COL11A1: variants seen among roughly 807,000 people sequenced by gnomAD.
COL11A1 encodes collagen type XI alpha 1 chain, also known as collagen alpha-1(XI) chain.
COL11A1 carries 74 observed loss-of-function variants against 265.2 expected under a neutral mutation model. The ratio of observed to expected loss-of-function variants is 0.28; its 90% CI spans 0.23 to 0.34. The LOEUF is 0.34. Among genes scored for constraint, COL11A1 ranks in the 10% least tolerant of loss-of-function variants. COL11A1 has a pLI of 1.00. For missense variants in COL11A1, 2,165 were observed against 2,263.6 expected, an observed-to-expected ratio of 0.96 and a Z score of 0.88; for synonymous variants, 816 against 727.6, an observed-to-expected ratio of 1.12 and a Z score of -1.96.
In COL11A1 at chr1:102,984,108, T is replaced by C. The variant is rs929972450; in HGVS notation, c.2556+30A>G. The C allele has an allele frequency of 2.7e-6, 4 of 1,481,790 alleles. No individual in the cohort carries two copies. The African/African-American group carries it at 5.5e-5, about 21-fold the overall frequency. 91.8% of individuals were successfully genotyped at this position (1,481,790 alleles called of 1,614,324 possible). On this transcript the variant is annotated intron_variant, in intron 31 of 66. Coordinates refer to ENST00000370096, the MANE Select transcript of COL11A1 (RefSeq NM_001854.4). ...GATTAATATTATCTTCACGAAATGT[T>C]AATAAACTATAAATATCAAGCTGTT...
chr1:103,033,334 T>G (rs1275591854), intron 4 of COL11A1, among the ~76,000 whole-genome samples: 1 of 152,110 alleles, frequency 6.6e-6, no homozygotes, highest in African/African-American at 2.4e-5. Flanking sequence ...CTGCCTTTTT[T>G]GAGTTGAATA....
intron 36 of COL11A1, among the ~76,000 whole-genome samples, chr1:102,972,685 C>T (rs2622855): frequency 0.062 from 9,456 of 152,080 alleles, 604 homozygotes; most frequent in African/African-American, 0.16. Flanking sequence ...CTAGCTGGTA[C>T]AGGACAGAGA....
At chr1:102,887,127 G>T in intron 62 of COL11A1, 71 bp from the exon 63 acceptor site, 5 of 1,588,728 alleles carry the variant, frequency 3.1e-6, no homozygotes, top group South Asian at 1.1e-5. Context: ...ATTATTACTG[G>T]TTATGTTTTT....
Position 103,092,283 on chromosome 1 carries a change from G to A in COL11A1, c.107-9311C>T, listed in dbSNP as rs192702470. On this transcript the variant is annotated intron_variant, in intron 1 of 66. Transcript: ENST00000370096. ...ATTTAAAACACATTTTTGGAGATTTGTGACAATTTGAGAAACCTTCCAGAA... is the reference window on the plus strand; with the variant it reads ...ATTTAAAACACATTTTTGGAGATTTATGACAATTTGAGAAACCTTCCAGAA... 2.0e-3 allele frequency among the ~76,000 whole-genome samples: 306 copies of A among 152,126 alleles called. 7 individuals carry two copies. The highest frequency in any genetic ancestry group is 4.6e-4 in the Non-Finnish European group (31 of 67,966).
In COL11A1 at chr1:103,100,023, T is replaced by C. The variant is rs1261424506; in HGVS notation, c.106+8050A>G. 3 of 151,958 alleles carry C rather than the reference T, an allele frequency of 2.0e-5. No homozygotes were observed. The East Asian group carries it at 5.8e-4, about 29-fold the overall frequency. 9.4% of individuals were successfully genotyped at this position (151,958 alleles called of 1,614,324 possible). Reference sequence around the variant, plus strand: ...CTAAATAGTTACTATATCAATGCTGTGTATTTTGTCACCATGGTAGACACT... The same window carrying C: ...CTAAATAGTTACTATATCAATGCTGCGTATTTTGTCACCATGGTAGACACT... On this transcript the variant is annotated intron_variant, in intron 1 of 66. Coordinates refer to ENST00000370096, the MANE Select transcript of COL11A1 (RefSeq NM_001854.4).
At chr1:102,996,607 T>C (rs1366060777) in intron 26 of COL11A1, among the ~76,000 whole-genome samples, 1 of 151,880 alleles carries the variant, frequency 6.6e-6, no homozygotes, top group Non-Finnish European at 1.5e-5. Flanking sequence ...TAAAAACAAC[T>C]GTAAACAAAA....
chr1:102,939,225 T>C, intron 43 of COL11A1, 137 bp from the exon 44 acceptor site: 1 of 810,006 alleles, frequency 1.2e-6, no homozygotes, highest in Non-Finnish European at 2.1e-6. Flanking sequence ...ATGGAAAATC[T>C]TGGGTTCCCA....
chr1:102,925,959 A>C (rs1656548328), intron 46 of COL11A1, among the ~76,000 whole-genome samples: 2 of 152,096 alleles, frequency 1.3e-5, no homozygotes, highest in Non-Finnish European at 2.9e-5. Context: ...CCCAAATTAA[A>C]AGGTATGTCA....
intron 5 of COL11A1, among the ~76,000 whole-genome samples, chr1:103,026,745 G>A (rs1207427822): frequency 6.6e-6 from 1 of 151,962 alleles, no homozygotes; most frequent in Non-Finnish European, 1.5e-5. Context: ...TTTAAATTAA[G>A]CTACATATCT....
intron 41 of COL11A1, among the ~76,000 whole-genome samples, chr1:102,952,037 A>G (rs3102051): frequency 0.062 from 9,472 of 152,176 alleles, 604 homozygotes; most frequent in African/African-American, 0.16. Context: ...TTATTTTAAC[A>G]TATATCAAGA....
intron 58 of COL11A1, 114 bp from the exon 59 acceptor site, chr1:102,889,676 TA>T (rs1651499812): frequency 1.3e-6 from 1 of 765,038 alleles, no homozygotes; most frequent in Non-Finnish European, 2.2e-6. Flanking sequence ...ACAATGCTGA[TA>T]AAACAACATT....
chr1:103,071,673 A>G (rs1328659363), intron 4 of COL11A1, among the ~76,000 whole-genome samples: 1 of 151,386 alleles, frequency 6.6e-6, no homozygotes, highest in Non-Finnish European at 1.5e-5. Context: ...ACCCATGAGG[A>G]CTTTTAGCAG....
intron 4 of COL11A1, among the ~76,000 whole-genome samples, chr1:103,039,196 G>A (rs1668617504): frequency 6.6e-6 from 1 of 152,036 alleles, no homozygotes. Context: ...CTGCATCATT[G>A]AAACCAAACC....
intron 1 of COL11A1, among the ~76,000 whole-genome samples, chr1:103,089,138 AC>A (rs986913248): frequency 2.0e-5 from 3 of 152,128 alleles, no homozygotes; most frequent in African/African-American, 7.2e-5. Flanking sequence ...AGTTTATAAA[AC>A]CTATGAATGC....
At chr1:102,909,142 A>G (rs1654348692) in intron 54 of COL11A1, among the ~76,000 whole-genome samples, 1 of 152,154 alleles carries the variant, frequency 6.6e-6, no homozygotes, top group Non-Finnish European at 1.5e-5. Context: ...TGGATTTCTT[A>G]TGAATAGATT....
intron 46 of COL11A1, among the ~76,000 whole-genome samples, chr1:102,931,609 C>A: frequency 6.6e-6 from 1 of 151,802 alleles, no homozygotes; most frequent in South Asian, 2.1e-4. Flanking sequence ...TCTATTAGGT[C>A]CACTTGGTGC....
chr1:103,001,204 G>T (rs963228862), intron 24 of COL11A1: 37 of 397,398 alleles, frequency 9.3e-5, no homozygotes, highest in Admixed American at 8.8e-4. Context: ...CAGCACATCT[G>T]TAAATTTAGT....
chr1:103,082,906 G>A lies in COL11A1; in HGVS notation c.173C>T (p.Thr58Met), dbSNP rs770162224. Reference protein sequence around the residue: ...HNSPEGISKTTGFCTNRKNSK... With the variant: ...HNSPEGISKTMGFCTNRKNSK... ...ATTCTTTCTGTTTGTGCAAAATCCC[G>A]TTGTTTTTGATATTCCCTCTGGAGA... The change falls in exon 2 of 67, where the codon ACG (threonine) becomes ATG (methionine). Residue 58 changes from threonine to methionine, a missense_variant. By Grantham distance (81) the Thr-to-Met change is moderately conservative. Transcript: ENST00000370096. 53 of 1,613,268 alleles carry A rather than the reference G, an allele frequency of 3.3e-5. No homozygotes were observed. The highest frequency in any genetic ancestry group is 2.7e-4 in the South Asian group (25 of 91,054).
chr1:103,040,722 T>A (rs1668742522), intron 4 of COL11A1, among the ~76,000 whole-genome samples: 1 of 151,790 alleles, frequency 6.6e-6, no homozygotes, highest in South Asian at 2.1e-4. Context: ...AAAATCATTT[T>A]GAGACCTCTT....
Sources: gnomAD v4.1 joint callset for allele counts (sites outside exome capture counted in the v4.1 genomes callset) on GRCh38, gnomAD v4.1.1 for gene constraint, MANE v1.5 for transcripts, NCBI Gene and HGNC (gene_info 2026-07-23, HGNC 2026-07-21) for gene names.